Variants in USP25 observed in about 807,000 individuals in gnomAD.
The protein encoded by USP25 is ubiquitin carboxyl-terminal hydrolase 25.
In USP25, 85 loss-of-function variants were observed where a neutral mutation model predicts 158.5. The ratio of observed to expected loss-of-function variants is 0.54; its 90% CI spans 0.45 to 0.64. The LOEUF (loss-of-function observed/expected upper bound fraction) is 0.64. Among genes scored for constraint, USP25 ranks in the 30% least tolerant of loss-of-function variants. The pLI is 0.00. For synonymous variants in USP25, 464 were observed against 460.4 expected, an observed-to-expected ratio of 1.01 and a Z score of -0.10; for missense variants, 1,242 against 1,327.3, an observed-to-expected ratio of 0.94 and a Z score of 1.00.
intron 1 of USP25, among the ~76,000 whole-genome samples, chr21:15,756,490 T>C (rs2033387096): frequency 6.6e-6 from 1 of 152,144 alleles, no homozygotes; most frequent in Admixed American, 6.5e-5. Flanking sequence ...GTGATCCCTT[T>C]TTTTGCATCC....
intron 1 of USP25, among the ~76,000 whole-genome samples, chr21:15,735,964 CTGTG>C (rs530159084): frequency 2.1e-5 from 3 of 145,038 alleles, no homozygotes; most frequent in South Asian, 2.1e-4. Flanking sequence ...TGTCCTAAAT[CTGTG>C]TGTGTGTGTG....
chr21:15,732,555 T>A (rs896887822), intron 1 of USP25, among the ~76,000 whole-genome samples: 3 of 152,178 alleles, frequency 2.0e-5, no homozygotes, highest in Admixed American at 1.3e-4. Context: ...CTTTATGGGT[T>A]ATCTAAAAGG....
intron 1 of USP25, among the ~76,000 whole-genome samples, chr21:15,735,608 A>G (rs2123165740): frequency 6.6e-6 from 1 of 152,252 alleles, no homozygotes; most frequent in Admixed American, 6.5e-5. Context: ...CTATTAAGAT[A>G]AGGTTAGCTC....
intron 20 of USP25, among the ~76,000 whole-genome samples, chr21:15,851,757 A>G (rs893355684): frequency 6.6e-6 from 1 of 151,816 alleles, no homozygotes; most frequent in African/African-American, 2.4e-5. Context: ...TTCTGCCTTT[A>G]CCAGTTTTAT....
At chr21:15,871,466 TGTA>T (rs780903556) in intron 23 of USP25, among the ~76,000 whole-genome samples, 7 of 152,194 alleles carry the variant, frequency 4.6e-5, no homozygotes, top group Non-Finnish European at 8.8e-5. Flanking sequence ...TTCACAGAGA[TGTA>T]GTAACTTTGT....
Position 15,849,754 on chromosome 21 carries a change from A to G in USP25, c.2452-23A>G, listed in dbSNP as rs201781404. On this transcript the variant is annotated intron_variant, in intron 19 of 25. Coordinates refer to ENST00000400183, the MANE Select transcript of USP25 (RefSeq NM_001283041.3). ...ATTTTAGTTTAAAAACCTTTTTTTA[A>G]TGTTAACTATCTTCTGTGGCAGATC... 314 of 1,495,826 alleles carry G rather than the reference A, an allele frequency of 2.1e-4. 2 individuals are homozygous for G. In the East Asian group the frequency reaches 7.0e-3, roughly 34 times the overall value. 92.7% of individuals were successfully genotyped at this position (1,495,826 alleles called of 1,614,324 possible).
chr21:15,840,297 A>G (rs1039212465), intron 17 of USP25, among the ~76,000 whole-genome samples: 1 of 152,200 alleles, frequency 6.6e-6, no homozygotes, highest in African/African-American at 2.4e-5. Context: ...CCTTGTGCGT[A>G]ACTTTTATTG....
intron 17 of USP25, 84 bp downstream of exon 17, chr21:15,833,632 A>G: frequency 2.5e-6 from 3 of 1,224,376 alleles, no homozygotes; most frequent in East Asian, 2.6e-5. Flanking sequence ...AGTTTTAGCT[A>G]TCTTAAAGTG....
chr21:15,833,058 G>A (rs929590215), intron 16 of USP25, among the ~76,000 whole-genome samples: 37 of 151,768 alleles, frequency 2.4e-4, no homozygotes, highest in African/African-American at 8.5e-4. Flanking sequence ...CTTGGCTTTG[G>A]CTTTGTATTT....
At position 15,825,904 on chromosome 21, in the gene USP25, A is replaced by G. The variant is rs555390014; in HGVS notation, c.1305-300A>G. 2.0e-5 allele frequency among the ~76,000 whole-genome samples: 3 copies of G among 152,278 alleles called. No individual in the cohort carries two copies. In the South Asian group the frequency reaches 6.2e-4, roughly 32 times the overall value. ...CCAGATGCCAGATCTAAAAATAAAAACAGTCTCAGGAGATGTCAGTTTTCA... is the reference window on the plus strand; with the variant it reads ...CCAGATGCCAGATCTAAAAATAAAAGCAGTCTCAGGAGATGTCAGTTTTCA... On this transcript the variant is annotated intron_variant, in intron 12 of 25. Transcript: ENST00000400183.
At position 15,827,196 on chromosome 21, in the gene USP25, C is replaced by T. The variant is rs919860427; in HGVS notation, c.1686C>T (p.Asp562=). Residue 562 remains aspartate (D), a synonymous_variant, in exon 14 of 26, where the codon GAC becomes GAT. Coordinates refer to ENST00000400183, the MANE Select transcript of USP25 (RefSeq NM_001283041.3). Reference sequence around the variant, plus strand: ...GCTGGAGGACAGAAATAGAAAATGACACCAGAGGTAAGAAGTGTCTCATAG... The same window carrying T: ...GCTGGAGGACAGAAATAGAAAATGATACCAGAGGTAAGAAGTGTCTCATAG... The part of the protein sequence containing the change: ...LHRWRTEIEN[D]TRDLQESISR... 4 of 1,613,598 alleles carry T rather than the reference C, an allele frequency of 2.5e-6. No individual in the cohort carries two copies. The highest frequency in any genetic ancestry group is 2.7e-5 in the African/African-American group (2 of 74,922).
At chr21:15,778,840 A>C (rs542837895) in intron 4 of USP25, among the ~76,000 whole-genome samples, 2 of 152,278 alleles carry the variant, frequency 1.3e-5, no homozygotes, top group South Asian at 4.1e-4. Context: ...ATTTACTTGC[A>C]AGAGGTTAAA....
chr21:15,739,682 A>G (rs1022707197), intron 1 of USP25, among the ~76,000 whole-genome samples: 2 of 152,156 alleles, frequency 1.3e-5, no homozygotes, highest in Non-Finnish European at 2.9e-5. Flanking sequence ...ATGTCATAGA[A>G]TTGCTTTAAG....
At chr21:15,743,360 A>G (rs1182946821) in intron 1 of USP25, among the ~76,000 whole-genome samples, 1 of 152,220 alleles carries the variant, frequency 6.6e-6, no homozygotes, top group Non-Finnish European at 1.5e-5. Context: ...GTGACCAAGA[A>G]TAATGAGGTA....
chr21:15,754,885 A>G (rs779739396), intron 1 of USP25, among the ~76,000 whole-genome samples: 10 of 152,206 alleles, frequency 6.6e-5, no homozygotes, highest in Non-Finnish European at 1.2e-4. Context: ...TGGACTTACA[A>G]ACATGAAGGA....
intron 23 of USP25, 136 bp from the exon 24 acceptor site, chr21:15,874,267 G>C: frequency 1.3e-6 from 1 of 752,656 alleles, no homozygotes; most frequent in Admixed American, 3.4e-5. Flanking sequence ...AGCATACACT[G>C]CGTCAGATGA....
rs1197255437 is a variant in USP25 at position 15,766,155 on chromosome 21, C to T, written c.268+14C>T. On this transcript the variant is annotated intron_variant, in intron 3 of 25. Transcript: ENST00000400183. The surrounding 1 kb of genome is among the most constrained non-coding windows in gnomAD (Gnocchi z 4.0). ...AAGCAGATACAAGTAAGTTTTCTTT[C>T]TTTTCTTATTATTTTAATAGAAACA... The T allele has an allele frequency of 6.3e-7, 1 of 1,577,972 alleles. No homozygotes were observed. The highest frequency in any genetic ancestry group is 8.6e-7 in the Non-Finnish European group (1 of 1,169,302).
rs1439838065 is a variant in USP25 at position 15,879,466 on chromosome 21, A to C, written c.*991A>C. ...TCTCTACTAATTAATACTGTGAAAC[A>C]AAATTGATGTTGTTTAACTAGAAGT... is the stretch of plus-strand genomic sequence containing the variant. On this transcript the variant is annotated 3_prime_UTR_variant, in exon 26 of 26. Coordinates refer to ENST00000400183, the MANE Select transcript of USP25 (RefSeq NM_001283041.3). 6.6e-6 allele frequency: 1 copy of C among 152,526 alleles called. No individual in the cohort carries two copies. The highest frequency in any genetic ancestry group is 1.5e-5 in the Non-Finnish European group (1 of 67,958). The allele number at this position is 152,526 out of a possible 1,614,324, so 9.4% of individuals were successfully genotyped here.
chr21:15,839,751 C>T (rs2038238147), intron 17 of USP25, among the ~76,000 whole-genome samples: 1 of 152,078 alleles, frequency 6.6e-6, no homozygotes. Flanking sequence ...TGTAATTCTT[C>T]TAAGACCACT....
Sources: allele counts gnomAD v4.1 joint callset (sites outside exome capture counted in the v4.1 genomes callset), GRCh38; gene constraint gnomAD v4.1.1; non-coding constraint Gnocchi (gnomAD v3.1); transcripts MANE v1.5; gene names NCBI Gene and HGNC (gene_info 2026-07-23, HGNC 2026-07-21).